The following NRXN3 variants were observed in gnomAD, a reference collection of about 807,000 sequenced individuals.
NRXN3 encodes the protein neurexin 3, also known as neurexin III.
NRXN3 carries 32 observed loss-of-function variants against 137.6 expected under a neutral mutation model. The observed-to-expected ratio is 0.23, with a 90% CI of 0.18 to 0.31. The LOEUF is 0.31. Among genes scored for constraint, NRXN3 ranks in the 10% least tolerant of loss-of-function variants. NRXN3 has a pLI of 1.00. For synonymous variants in NRXN3, 798 were observed against 784.5 expected, an observed-to-expected ratio of 1.02 and a Z score of -0.29; for missense variants, 1,574 against 2,062.5, an observed-to-expected ratio of 0.76 and a Z score of 4.59.
At chr14:78,567,917 T>C (rs2096851428) in intron 4 of NRXN3, among the ~76,000 whole-genome samples, 1 of 152,166 alleles carries the variant, frequency 6.6e-6, no homozygotes, top group African/African-American at 2.4e-5. Context: ...TCCACTTTCA[T>C]CGTGTTTCCA....
chr14:79,254,850 C>T (rs1029629410), intron 15 of NRXN3, among the ~76,000 whole-genome samples: 4 of 147,686 alleles, frequency 2.7e-5, no homozygotes, highest in Non-Finnish European at 6.0e-5. Flanking sequence ...TCTTTCCTTC[C>T]TTTCTCCCTT....
At chr14:79,675,328 T>A (rs1465214755) in intron 17 of NRXN3, among the ~76,000 whole-genome samples, 2 of 152,130 alleles carry the variant, frequency 1.3e-5, no homozygotes, top group East Asian at 3.9e-4. Flanking sequence ...TGATCTTTGT[T>A]GCAGTTATTC....
intron 10 of NRXN3, among the ~76,000 whole-genome samples, chr14:78,908,896 G>C (rs897486458): frequency 1.3e-5 from 2 of 152,116 alleles, no homozygotes; most frequent in Non-Finnish European, 2.9e-5. Flanking sequence ...GGAGGAACAA[G>C]AAGATCTTAA....
chr14:79,399,863 G>A (rs969107292), intron 15 of NRXN3, among the ~76,000 whole-genome samples: 1 of 152,100 alleles, frequency 6.6e-6, no homozygotes, highest in African/African-American at 2.4e-5. Context: ...AGGCTCTAGG[G>A]GAGAATTCTT....
chr14:79,011,987 A>G (rs2099572071), intron 15 of NRXN3, among the ~76,000 whole-genome samples: 1 of 152,220 alleles, frequency 6.6e-6, no homozygotes. Flanking sequence ...TCATTCCATT[A>G]CCATGCAAGA....
In NRXN3 at chr14:78,196,154, C is replaced by T. The variant is rs146768472; in HGVS notation, c.-704+25480C>T. 7.4e-3 allele frequency among the ~76,000 whole-genome samples: 1,130 copies of T among 152,334 alleles called. 67 individuals carry two copies. The highest frequency in any genetic ancestry group is 0.069 in the Admixed American group (1,058 of 15,302). On this transcript the variant is annotated intron_variant, in intron 1 of 20. Transcript: ENST00000335750. Reference sequence around the variant, plus strand: ...CCAGCCAGAAAGTGTGGGTCTCCCACCTCCTGGGCAGGGCTCCTTCATCTC... The same window carrying T: ...CCAGCCAGAAAGTGTGGGTCTCCCATCTCCTGGGCAGGGCTCCTTCATCTC...
intron 15 of NRXN3, among the ~76,000 whole-genome samples, chr14:79,269,732 C>A (rs1420533544): frequency 2.0e-5 from 3 of 152,072 alleles, no homozygotes; most frequent in Non-Finnish European, 4.4e-5. Context: ...TACCGATGAG[C>A]TTTTCACCAG....
intron 4 of NRXN3, among the ~76,000 whole-genome samples, chr14:78,351,695 A>T (rs1209327556): frequency 6.7e-6 from 1 of 149,950 alleles, no homozygotes; most frequent in Non-Finnish European, 1.5e-5. Flanking sequence ...ATTCTTTATT[A>T]TTCTGGATAA....
intron 6 of NRXN3, among the ~76,000 whole-genome samples, chr14:78,670,322 C>T (rs996025915): frequency 2.6e-5 from 4 of 152,136 alleles, no homozygotes; most frequent in South Asian, 2.1e-4. Context: ...AATAAACATA[C>T]GTGTGCATGT....
intron 15 of NRXN3, among the ~76,000 whole-genome samples, chr14:79,159,417 C>T (rs2370928): frequency 0.46 from 69,155 of 151,644 alleles, 18,016 homozygotes; most frequent in East Asian, 0.61. Context: ...GAAAAGTTTG[C>T]TCAACTTTAA....
At chr14:78,917,598 A>G (rs1371241849) in intron 10 of NRXN3, among the ~76,000 whole-genome samples, 1 of 152,186 alleles carries the variant, frequency 6.6e-6, no homozygotes, top group East Asian at 1.9e-4. Flanking sequence ...TCTGTGTGTA[A>G]CAGTCTTGAG....
chr14:78,754,341 G>A (rs2098657616), intron 8 of NRXN3, among the ~76,000 whole-genome samples: 1 of 152,054 alleles, frequency 6.6e-6, no homozygotes, highest in Non-Finnish European at 1.5e-5. Context: ...CCAGTCCTGG[G>A]TACTCCCCAC....
chr14:79,677,069 TATAA>T (rs1288905883), intron 17 of NRXN3, among the ~76,000 whole-genome samples: 1 of 152,120 alleles, frequency 6.6e-6, no homozygotes, highest in African/African-American at 2.4e-5. Context: ...AAGCATTAAC[TATAA>T]ATACTTTTAT....
At chr14:78,955,347 A>G (rs1367789121) in intron 10 of NRXN3, among the ~76,000 whole-genome samples, 4 of 152,210 alleles carry the variant, frequency 2.6e-5, no homozygotes, top group Non-Finnish European at 5.9e-5. Context: ...TGTTACATCA[A>G]TCTTAGACCT....
chr14:79,138,182 G>T (rs992478244), intron 15 of NRXN3, among the ~76,000 whole-genome samples: 2 of 152,148 alleles, frequency 1.3e-5, no homozygotes. Flanking sequence ...TAGTGACAGG[G>T]TTTTGCTCTG....
intron 20 of NRXN3, among the ~76,000 whole-genome samples, chr14:79,853,213 C>A (rs973226160): frequency 1.3e-5 from 2 of 152,310 alleles, no homozygotes; most frequent in Non-Finnish European, 2.9e-5. Context: ...GAACCTCCCC[C>A]ACTCTAGATG....
At chr14:79,667,755 C>T (rs573311995) in intron 17 of NRXN3, among the ~76,000 whole-genome samples, 3 of 151,934 alleles carry the variant, frequency 2.0e-5, no homozygotes, top group Non-Finnish European at 4.4e-5. Flanking sequence ...CTTATAAAGT[C>T]TCTGATTGTT....
chr14:79,134,883 A>G (rs1344255288), intron 15 of NRXN3, among the ~76,000 whole-genome samples: 1 of 152,166 alleles, frequency 6.6e-6, no homozygotes, highest in Non-Finnish European at 1.5e-5. Context: ...ATAATATCAA[A>G]TATTTTGTAT....
Position 78,243,669 on chromosome 14 carries a change from G to T in NRXN3, c.576G>T (p.Arg192=). Residue 192 remains arginine (R), a synonymous_variant, in exon 2 of 21, where the codon CGG becomes CGT. Transcript: ENST00000335750. This position sits in a 1 kb window ranked among gnomAD's most constrained non-coding sequence, Gnocchi z 4.2. ...CGGAGCCTCGGCTTCTGGGGAGCCG[G>T]GGTGTCCAGATGGATGCCGAGGGAC... ...GNSEPRLLGS[R]GVQMDAEGPC... is the part of the protein sequence containing the mutation. 1.3e-6 allele frequency: 2 copies of T among 1,598,404 alleles called. No individual in the cohort carries two copies. The highest frequency in any genetic ancestry group is 1.1e-5 in the South Asian group (1 of 91,082).
Sources: allele counts gnomAD v4.1 joint callset (sites outside exome capture counted in the v4.1 genomes callset), GRCh38; gene constraint gnomAD v4.1.1; non-coding constraint Gnocchi (gnomAD v3.1); transcripts MANE v1.5; gene names NCBI Gene and HGNC (gene_info 2026-07-23, HGNC 2026-07-21).